TXNRD1: variants seen among roughly 807,000 people sequenced by gnomAD.
TXNRD1 encodes the protein thioredoxin reductase 1, cytoplasmic.
TXNRD1 carries 57 observed loss-of-function variants against 80.3 expected under a neutral mutation model. The ratio of observed to expected loss-of-function variants is 0.71; its 90% confidence interval spans 0.57 to 0.89. The LOEUF (loss-of-function observed/expected upper bound fraction) is 0.89, where lower values mean the gene tolerates loss of function less well. Among genes scored for constraint, TXNRD1 ranks in the 40% least tolerant of loss-of-function variants. TXNRD1 has a pLI of 0.00. For missense variants in TXNRD1, 730 were observed against 803.0 expected (o/e 0.91, Z 1.10); for synonymous variants, 291 against 285.2 (o/e 1.02, Z -0.20).
chr12:104,299,505 A>G (rs2034545431), intron 4 of TXNRD1, among the ~76,000 whole-genome samples: 1 of 152,228 alleles, frequency 6.6e-6, no homozygotes, highest in Admixed American at 6.5e-5. Context: ...ACAGTGGCTC[A>G]CGCATGTAAT....
intron 15 of TXNRD1, among the ~76,000 whole-genome samples, chr12:104,337,812 G>A (rs938729069): frequency 6.6e-6 from 1 of 151,536 alleles, no homozygotes; most frequent in African/African-American, 2.4e-5. Flanking sequence ...TTAGAGACAG[G>A]GTCTTACTTT....
chr12:104,299,448 C>T (rs906643583), intron 4 of TXNRD1, among the ~76,000 whole-genome samples: 6 of 151,656 alleles, frequency 4.0e-5, no homozygotes, highest in African/African-American at 7.3e-5. Flanking sequence ...TATATACACA[C>T]AAACATAACT....
intron 4 of TXNRD1, chr12:104,309,955 C>A (rs1328569531): frequency 6.5e-7 from 1 of 1,535,898 alleles, no homozygotes; most frequent in Admixed American, 2.0e-5. Context: ...CAACAGGTAG[C>A]CACAGTGCTG....
intron 3 of TXNRD1, among the ~76,000 whole-genome samples, chr12:104,261,833 C>T (rs1195476427): frequency 2.6e-5 from 4 of 152,072 alleles, no homozygotes; most frequent in Non-Finnish European, 5.9e-5. Context: ...ACTGCAACCT[C>T]TGCCTCCTGG....
intron 3 of TXNRD1, among the ~76,000 whole-genome samples, chr12:104,274,030 C>T (rs531151824): frequency 1.5e-4 from 22 of 151,698 alleles, no homozygotes; most frequent in African/African-American, 4.4e-4. Flanking sequence ...CCAGCCTGGG[C>T]GACAGAGCGA....
intron 3 of TXNRD1, chr12:104,287,036 C>T (rs998911863): frequency 7.2e-7 from 1 of 1,387,288 alleles, no homozygotes; most frequent in East Asian, 2.8e-5. Context: ...TTCTTCACTC[C>T]GGCATTTGCA....
chr12:104,236,464 G>A (rs372066898), intron 1 of TXNRD1, among the ~76,000 whole-genome samples: 1 of 152,030 alleles, frequency 6.6e-6, no homozygotes, highest in Non-Finnish European at 1.5e-5. Flanking sequence ...GAGTAACAAG[G>A]GATTTTAAAG....
In TXNRD1 at chr12:104,289,188, G is replaced by T. The variant is rs370251265; in HGVS notation, c.414+148G>T. 26 of 877,648 alleles carry T rather than the reference G, an allele frequency of 3.0e-5. No homozygotes were observed. In the South Asian group the frequency reaches 3.3e-4, roughly 11 times the overall value. 54.4% of individuals were successfully genotyped at this position (877,648 alleles called of 1,614,324 possible). A position where few individuals can be genotyped will look rare whatever the true frequency, so the allele number is the denominator to read the frequency against. Reference sequence around the variant, plus strand: ...TGACGAAAAACGCTCGTGGGCTAGCGCATGTGTTAATCGAAGTTGATGAGA... The same window carrying T: ...TGACGAAAAACGCTCGTGGGCTAGCTCATGTGTTAATCGAAGTTGATGAGA... On this transcript the variant is annotated intron_variant, in intron 4 of 16. Coordinates refer to ENST00000525566, the MANE Select transcript of TXNRD1 (RefSeq NM_001093771.3).
chr12:104,286,602 TA>T, intron 3 of TXNRD1: 10 of 489,610 alleles, frequency 2.0e-5, no homozygotes, highest in African/African-American at 1.1e-4. Context: ...TTTTTTTTTT[TA>T]AACGCAGAGG....
In TXNRD1 at chr12:104,348,870, G is replaced by A. The variant is rs2036571881; in HGVS notation, c.*449G>A. On this transcript the variant is annotated 3_prime_UTR_variant, in exon 17 of 17. Transcript: ENST00000525566. ...GATTTTTGTCCAAAAGCAAGTCATGGCTAGAGTATCCATGCAAGGTGTCTT... is the reference window on the plus strand; with the variant it reads ...GATTTTTGTCCAAAAGCAAGTCATGACTAGAGTATCCATGCAAGGTGTCTT... 5.9e-6 allele frequency: 1 copy of A among 169,570 alleles called. No homozygotes were observed. 10.5% of individuals were successfully genotyped at this position (169,570 alleles called of 1,614,324 possible).
intron 1 of TXNRD1, among the ~76,000 whole-genome samples, chr12:104,221,733 G>A (rs1198020052): frequency 6.6e-6 from 1 of 152,196 alleles, no homozygotes; most frequent in Non-Finnish European, 1.5e-5. Flanking sequence ...GTTTATGGAA[G>A]GTGTATACAG....
intron 3 of TXNRD1, among the ~76,000 whole-genome samples, chr12:104,270,630 A>G (rs1253163943): frequency 6.6e-6 from 1 of 152,168 alleles, no homozygotes; most frequent in East Asian, 1.9e-4. Context: ...TGTTTAAATC[A>G]TAAGTATAGA....
At chr12:104,325,733 G>A (rs191805251) in intron 11 of TXNRD1, among the ~76,000 whole-genome samples, 4 of 152,244 alleles carry the variant, frequency 2.6e-5, no homozygotes, top group African/African-American at 7.2e-5. Context: ...TTAGCCGGGC[G>A]TGGTGGCGTG....
At chr12:104,338,066 G>A (rs890227429) in intron 15 of TXNRD1, among the ~76,000 whole-genome samples, 2 of 150,898 alleles carry the variant, frequency 1.3e-5, no homozygotes, top group African/African-American at 4.9e-5. Flanking sequence ...AAAGTGCTGG[G>A]ATTACAGGCT....
At chr12:104,265,052 T>C (rs1051674820) in intron 3 of TXNRD1, among the ~76,000 whole-genome samples, 2 of 152,006 alleles carry the variant, frequency 1.3e-5, no homozygotes, top group East Asian at 3.9e-4. Context: ...AAGAGATCAA[T>C]ACTAGCCTGG....
chr12:104,246,460 T>C (rs2032997418), intron 1 of TXNRD1, among the ~76,000 whole-genome samples: 1 of 150,766 alleles, frequency 6.6e-6, no homozygotes, highest in Admixed American at 6.6e-5. Flanking sequence ...ACAAAAAACT[T>C]TTCCCCAAAT....
chr12:104,261,227 G>A (rs564162785), intron 3 of TXNRD1, among the ~76,000 whole-genome samples: 6 of 151,710 alleles, frequency 4.0e-5, no homozygotes, highest in Admixed American at 2.0e-4. Flanking sequence ...GCGATGGCAC[G>A]ATCTGGGCTT....
At chr12:104,275,070 G>A (rs2033728304) in intron 3 of TXNRD1, among the ~76,000 whole-genome samples, 1 of 152,150 alleles carries the variant, frequency 6.6e-6, no homozygotes, top group African/African-American at 2.4e-5. Context: ...AATTTTTAAA[G>A]AGGTTTTTCA....
intron 4 of TXNRD1, among the ~76,000 whole-genome samples, chr12:104,289,739 TAAA>T (rs5800616): frequency 7.8e-4 from 117 of 150,366 alleles, no homozygotes; most frequent in African/African-American, 2.7e-3. Context: ...TTTATGTATT[TAAA>T]AAAAAAAAAC....
Sources: allele counts gnomAD v4.1 joint callset (sites outside exome capture counted in the v4.1 genomes callset), GRCh38; gene constraint gnomAD v4.1.1; transcripts MANE v1.5; gene names NCBI Gene and HGNC (gene_info 2026-07-23, HGNC 2026-07-21).